The following FGFR1OP2 variants were observed in gnomAD, a reference collection of about 807,000 sequenced individuals.
FGFR1OP2 encodes fibroblast growth factor receptor 1 oncogene partner 2.
A neutral mutation model predicts 35.2 loss-of-function variants in FGFR1OP2; 17 were observed. That is an observed-to-expected ratio of 0.48 (90% CI 0.33 to 0.73). The LOEUF (loss-of-function observed/expected upper bound fraction) is 0.73. Ranked by LOEUF, FGFR1OP2 falls within the 30% of genes least tolerant of loss-of-function variation. The probability of loss-of-function intolerance (pLI) is 0.02; values close to 1 mark genes in which losing one functional copy is unlikely to be tolerated. For synonymous variants in FGFR1OP2, 105 were observed against 104.6 expected, an observed-to-expected ratio of 1.00 and a Z score of -0.03; for missense variants, 251 against 307.3, an observed-to-expected ratio of 0.82 and a Z score of 1.37.
intron 1 of FGFR1OP2, among the ~76,000 whole-genome samples, chr12:26,946,786 G>A (rs77071133): frequency 0.064 from 9,769 of 152,118 alleles, 397 homozygotes; most frequent in East Asian, 0.15. Flanking sequence ...TTTTTCCCGC[G>A]CAAAAAGAAA....
chr12:26,955,092 T>G (rs1333677683), intron 2 of FGFR1OP2, among the ~76,000 whole-genome samples: 1 of 152,182 alleles, frequency 6.6e-6, no homozygotes, highest in African/African-American at 2.4e-5. Context: ...CTAAACAGAT[T>G]TACCTGCATC....
chr12:26,944,266 T>C (rs1343125894), intron 1 of FGFR1OP2, among the ~76,000 whole-genome samples: 3 of 152,182 alleles, frequency 2.0e-5, no homozygotes, highest in Admixed American at 6.5e-5. Flanking sequence ...GTATGGTTTT[T>C]CCCCCCTTCC....
rs1291679369 is a variant in FGFR1OP2, at chr12:26,964,835, A to G, written c.*102A>G. ...CAATCCTTTATTTTTTTCTCTGTAAATATGTACAGTGCACGGGCTATGAGA... is the reference window on the plus strand; with the variant it reads ...CAATCCTTTATTTTTTTCTCTGTAAGTATGTACAGTGCACGGGCTATGAGA... On this transcript the variant is annotated 3_prime_UTR_variant, in exon 7 of 7. Coordinates refer to ENST00000229395, the MANE Select transcript of FGFR1OP2 (RefSeq NM_015633.3). 1.4e-5 allele frequency: 19 copies of G among 1,321,236 alleles called. No homozygotes were observed. The highest frequency in any genetic ancestry group is 2.3e-5 in the East Asian group (1 of 42,696). 81.8% of individuals were successfully genotyped at this position (1,321,236 alleles called of 1,614,324 possible).
chr12:26,962,265 T>C (rs1457358185), intron 5 of FGFR1OP2: 4 of 152,222 alleles, frequency 2.6e-5, no homozygotes, highest in African/African-American at 9.6e-5. Flanking sequence ...TACATTTTTG[T>C]TGGTTAAGAG....
chr12:26,948,873 A>G (rs181387109), intron 1 of FGFR1OP2, among the ~76,000 whole-genome samples: 122 of 152,270 alleles, frequency 8.0e-4, no homozygotes, highest in African/African-American at 2.8e-3. Flanking sequence ...ACGTAAACAT[A>G]CTAGAATATT....
intron 1 of FGFR1OP2, among the ~76,000 whole-genome samples, chr12:26,942,577 C>T (rs1938753718): frequency 6.6e-6 from 1 of 152,146 alleles, no homozygotes; most frequent in Non-Finnish European, 1.5e-5. Flanking sequence ...AAAACAGTGA[C>T]TTATACATAT....
At chr12:26,962,154 T>G (rs990268647) in intron 5 of FGFR1OP2, 2 of 152,182 alleles carry the variant, frequency 1.3e-5, no homozygotes, top group African/African-American at 4.8e-5. Context: ...ATGTATTGAT[T>G]TTAATTAAGT....
In FGFR1OP2 at chr12:26,955,648, T is replaced by G. The variant is rs543349344; in HGVS notation, c.136-895T>G. Among the ~76,000 whole-genome samples the G allele has an allele frequency of 5.8e-4, 88 of 152,384 alleles. No homozygotes were observed. The South Asian group carries it at 0.017, about 30-fold the overall frequency. ...TCATCTATGTTATAGCATGTATCAG[T>G]ACTTCATTCCTGTTTATTGCCAAAT... On this transcript the variant is annotated intron_variant, in intron 2 of 6. Transcript: ENST00000229395.
chr12:26,949,134 A>G (rs964175429), intron 1 of FGFR1OP2, among the ~76,000 whole-genome samples: 2 of 152,144 alleles, frequency 1.3e-5, no homozygotes, highest in Non-Finnish European at 2.9e-5. Flanking sequence ...TCACCATTAC[A>G]GTTTTTCTTT....
At chr12:26,938,884 G>A (rs1318727971) in intron 1 of FGFR1OP2, among the ~76,000 whole-genome samples, 174 bp downstream of exon 1, 2 of 151,942 alleles carry the variant, frequency 1.3e-5, no homozygotes, top group Non-Finnish European at 1.5e-5. Context: ...TCCTCTCCGC[G>A]CCCCCCGACT....
chr12:26,952,821 T>TAACC (rs929044858), intron 1 of FGFR1OP2, among the ~76,000 whole-genome samples: 3 of 138,500 alleles, frequency 2.2e-5, no homozygotes, highest in African/African-American at 8.1e-5. Context: ...TCTTTGTTTA[T>TAACC]AACCCTTCAC....
At chr12:26,941,321 A>G (rs1302686949) in intron 1 of FGFR1OP2, among the ~76,000 whole-genome samples, 1 of 152,172 alleles carries the variant, frequency 6.6e-6, no homozygotes, top group Non-Finnish European at 1.5e-5. Context: ...CTTCCTGGCC[A>G]AAAAAGAGGG....
intron 3 of FGFR1OP2, 96 bp downstream of exon 3, chr12:26,956,756 G>A (rs916522032): frequency 1.8e-6 from 1 of 543,002 alleles, no homozygotes; most frequent in East Asian, 4.2e-5. Context: ...ATGAACATCT[G>A]CCTGGTTGAC....
rs1565853192 is a variant in FGFR1OP2 at position 26,964,974 on chromosome 12, T to G, written c.*241T>G. ...AGAAATGAAAAGTTTTCACAGTGAC[T>G]ACTGAATATACCAAGAGCTTTTGGC... is the stretch of plus-strand genomic sequence containing the variant. On this transcript the variant is annotated 3_prime_UTR_variant, in exon 7 of 7. Transcript: ENST00000229395. 2.7e-6 allele frequency: 1 copy of G among 367,142 alleles called. No homozygotes were observed. The allele number at this position is 367,142 out of a possible 1,614,324, so 22.7% of individuals were successfully genotyped here.
At chr12:26,948,234 G>C (rs746751830) in intron 1 of FGFR1OP2, among the ~76,000 whole-genome samples, 11 of 152,236 alleles carry the variant, frequency 7.2e-5, no homozygotes, top group Non-Finnish European at 1.5e-4. Flanking sequence ...TAATTACCCA[G>C]ATATTTACAA....
chr12:26,946,344 T>A (rs1404835550), intron 1 of FGFR1OP2, among the ~76,000 whole-genome samples: 1 of 152,200 alleles, frequency 6.6e-6, no homozygotes, highest in Non-Finnish European at 1.5e-5. Flanking sequence ...CAAGTCTCAC[T>A]TTGTTGCCCA....
At chr12:26,959,792 G>C (rs1939076869) in intron 4 of FGFR1OP2, among the ~76,000 whole-genome samples, 1 of 152,066 alleles carries the variant, frequency 6.6e-6, no homozygotes, top group Non-Finnish European at 1.5e-5. Context: ...CCAAAAAGGA[G>C]ACACTTCGAC....
intron 1 of FGFR1OP2, among the ~76,000 whole-genome samples, chr12:26,946,372 G>A (rs567161745): frequency 3.9e-5 from 6 of 152,038 alleles, no homozygotes; most frequent in Middle Eastern, 3.2e-3. Context: ...GTTTAGTGGC[G>A]TGATTGTGGC....
chr12:26,954,930 T>C (rs1220417635), intron 2 of FGFR1OP2, among the ~76,000 whole-genome samples: 1 of 152,170 alleles, frequency 6.6e-6, no homozygotes, highest in Non-Finnish European at 1.5e-5. Context: ...ATCTCTGACA[T>C]TATGATGGAA....
Sources: allele counts gnomAD v4.1 joint callset (sites outside exome capture counted in the v4.1 genomes callset), GRCh38; gene constraint gnomAD v4.1.1; transcripts MANE v1.5; gene names NCBI Gene and HGNC (gene_info 2026-07-23, HGNC 2026-07-21).